The following NAXD variants were observed in gnomAD, a reference collection of about 807,000 sequenced individuals.
NAXD encodes ATP-dependent (S)-NAD(P)H-hydrate dehydratase.
A neutral mutation model predicts 35.8 loss-of-function variants in NAXD; 22 were observed. The ratio of observed to expected loss-of-function variants is 0.62; its 90% CI spans 0.44 to 0.88. The LOEUF is 0.88. Among genes scored for constraint, NAXD ranks in the 40% least tolerant of loss-of-function variants. The pLI is 0.00. For synonymous variants in NAXD, 189 were observed against 177.6 expected (o/e 1.06, Z -0.51); for missense variants, 428 against 437.7 (o/e 0.98, Z 0.20).
At chr13:110,624,863 C>G (rs1418006915) in intron 3 of NAXD, among the ~76,000 whole-genome samples, 2 of 152,242 alleles carry the variant, frequency 1.3e-5, no homozygotes, top group Non-Finnish European at 2.9e-5. Context: ...GCCGCTGATC[C>G]TGCAGTTTCC....
In NAXD at chr13:110,639,816, A is replaced by G. The variant is rs1887112424; in HGVS notation, c.*1288A>G. ...GCCCCAGATGGATTCTACTTTCTTT[A>G]AAACTAGGGACTTTCAAGATTAAAA... On this transcript the variant is annotated 3_prime_UTR_variant, in exon 10 of 10. Coordinates refer to ENST00000680254, the MANE Select transcript of NAXD (RefSeq NM_001242882.2). 1 of 152,054 alleles carries G rather than the reference A, an allele frequency of 6.6e-6. No individual in the cohort carries two copies. The allele number at this position is 152,054 out of a possible 1,614,324, so 9.4% of individuals were successfully genotyped here. A position where few individuals can be genotyped will look rare whatever the true frequency, so the allele number is the denominator to read the frequency against.
At chr13:110,636,289 T>C (rs1362591838) in intron 8 of NAXD, among the ~76,000 whole-genome samples, 2 of 152,240 alleles carry the variant, frequency 1.3e-5, no homozygotes, top group African/African-American at 4.8e-5. Context: ...AAAATCAGGG[T>C]AGAACACTGA....
intron 5 of NAXD, among the ~76,000 whole-genome samples, chr13:110,631,729 A>G (rs1046269532): frequency 6.6e-6 from 1 of 152,248 alleles, no homozygotes; most frequent in African/African-American, 2.4e-5. Flanking sequence ...ACTCAGGGCA[A>G]GCAGACAAAG....
chr13:110,627,633 TGTA>T (rs1172488263), intron 5 of NAXD, 86 bp downstream of exon 5: 1 of 916,916 alleles, frequency 1.1e-6, no homozygotes, highest in African/African-American at 1.6e-5. Flanking sequence ...TTGCATTTTG[TGTA>T]GTGTTCCGTG....
chr13:110,633,381 C>T (rs573283388), intron 5 of NAXD, among the ~76,000 whole-genome samples: 2 of 152,360 alleles, frequency 1.3e-5, no homozygotes, highest in Non-Finnish European at 2.9e-5. Flanking sequence ...GCAAGCGCTG[C>T]AGGCAGCCCC....
At chr13:110,615,466 A>G, upstream of NAXD, 3 of 780,488 alleles carry the variant, frequency 3.8e-6, no homozygotes, top group Non-Finnish European at 5.5e-6. Flanking sequence ...AATCATCTAG[A>G]ACCGGGTGTG....
In NAXD at chr13:110,624,269, C is replaced by T. The variant is rs1160157209; in HGVS notation, c.233C>T (p.Ala78Val). 2 of 1,604,990 alleles carry T rather than the reference C, an allele frequency of 1.2e-6. No homozygotes were observed. Among genetic ancestry groups the T allele is most frequent in the East Asian group, 2.2e-5 (1 of 44,796 alleles). The change falls in exon 3 of 10, where the codon GCT (alanine) becomes GTT (valine). Residue 78 changes from alanine to valine, a missense_variant. By Grantham distance (64) the Ala-to-Val change is moderately conservative. Coordinates refer to ENST00000680254, the MANE Select transcript of NAXD (RefSeq NM_001242882.2). Reference protein sequence around the residue: ...TGAPYFAAISALKVGADLSHV... With the variant: ...TGAPYFAAISVLKVGADLSHV... ...GCCCCATATTTTGCAGCAATCTCAG[C>T]TCTCAAAGTGGTATGTTTACTTAAA...
chr13:110,632,299 G>A lies in NAXD; in HGVS notation c.442-2246G>A, dbSNP rs533184255. On this transcript the variant is annotated intron_variant, in intron 5 of 9. Transcript: ENST00000680254. ...TTCAGGAGTGAAGCTGCAGATCTTC[G>A]CGGTGACTGTTACAGCTCATAAAAG... 1.2e-3 allele frequency among the ~76,000 whole-genome samples: 176 copies of A among 152,288 alleles called. 2 individuals carry two copies. Among genetic ancestry groups the A allele is most frequent in the South Asian group, 9.1e-3 (44 of 4,822 alleles).
intron 5 of NAXD, among the ~76,000 whole-genome samples, chr13:110,632,021 G>C (rs9583518): frequency 0.13 from 20,168 of 149,652 alleles, 1,770 homozygotes; most frequent in Admixed American, 0.25. Flanking sequence ...TCCAGAATTG[G>C]TGGGTTCTTG....
intron 5 of NAXD, among the ~76,000 whole-genome samples, chr13:110,630,988 A>G (rs1406890009): frequency 6.6e-6 from 1 of 152,196 alleles, no homozygotes; most frequent in Non-Finnish European, 1.5e-5. Context: ...CCTGGGTCCC[A>G]TGCATTCCAG....
At chr13:110,632,593 T>TC (rs1482300926) in intron 5 of NAXD, among the ~76,000 whole-genome samples, 2 of 152,084 alleles carry the variant, frequency 1.3e-5, no homozygotes, top group Non-Finnish European at 2.9e-5. Context: ...ATACAGAGTT[T>TC]CGACACACAG....
intron 4 of NAXD, among the ~76,000 whole-genome samples, chr13:110,625,973 G>A (rs1886461928): frequency 1.3e-5 from 2 of 152,174 alleles, no homozygotes; most frequent in Admixed American, 1.3e-4. Context: ...AGTTGGGGCG[G>A]CAGCACAGTG....
intron 3 of NAXD, among the ~76,000 whole-genome samples, chr13:110,624,615 C>A (rs942069771): frequency 6.6e-6 from 1 of 152,166 alleles, no homozygotes; most frequent in South Asian, 2.1e-4. Flanking sequence ...CCTGCCACCA[C>A]GCCTGGCTAA....
intron 4 of NAXD, among the ~76,000 whole-genome samples, chr13:110,626,036 G>A (rs1886467958): frequency 6.6e-6 from 1 of 152,146 alleles, no homozygotes; most frequent in Non-Finnish European, 1.5e-5. Context: ...GAGCCGGCGC[G>A]GAGCTCCAGG....
At chr13:110,630,470 C>T (rs556354377) in intron 5 of NAXD, among the ~76,000 whole-genome samples, 14 of 152,186 alleles carry the variant, frequency 9.2e-5, no homozygotes, top group East Asian at 1.9e-4. Context: ...GACGATTTGC[C>T]GATATCCTCT....
Position 110,628,224 on chromosome 13 carries a change from GTC to G in NAXD, c.441+681_441+682del, listed in dbSNP as rs888542346. 2.6e-5 allele frequency among the ~76,000 whole-genome samples: 4 copies of G among 152,196 alleles called. No individual in the cohort carries two copies. The highest frequency in any genetic ancestry group is 7.2e-5 in the African/African-American group (3 of 41,438). On this transcript the variant is annotated intron_variant, in intron 5 of 9. Coordinates refer to ENST00000680254, the MANE Select transcript of NAXD (RefSeq NM_001242882.2). This position sits in a 1 kb window ranked among gnomAD's most constrained non-coding sequence, Gnocchi z 4.1. ...CCTCTGACGCTCCCTGGGCTGGTGT[GTC>G]TCTGCTGGGGGTTGTGCTCCTGTGG...
intron 1 of NAXD, among the ~76,000 whole-genome samples, chr13:110,621,872 A>G (rs1167067944): frequency 6.6e-6 from 1 of 151,994 alleles, no homozygotes; most frequent in Admixed American, 6.6e-5. Context: ...TCTACTGAAA[A>G]TACAAAAATT....
chr13:110,636,590 A>G (rs1178364114), intron 8 of NAXD, among the ~76,000 whole-genome samples: 2 of 152,250 alleles, frequency 1.3e-5, no homozygotes, highest in Non-Finnish European at 2.9e-5. Flanking sequence ...TCTTGGGTCT[A>G]ACAGGTTCAG....
intron 1 of NAXD, among the ~76,000 whole-genome samples, chr13:110,618,133 C>G (rs1018140594): frequency 6.6e-6 from 1 of 152,120 alleles, no homozygotes; most frequent in African/African-American, 2.4e-5. Flanking sequence ...CTTTTGGTAT[C>G]ACTTTGAATT....
Sources: gnomAD v4.1 joint callset for allele counts (sites outside exome capture counted in the v4.1 genomes callset) on GRCh38, gnomAD v4.1.1 for gene constraint, Gnocchi (gnomAD v3.1) non-coding constraint, MANE v1.5 for transcripts, NCBI Gene and HGNC (gene_info 2026-07-23, HGNC 2026-07-21) for gene names.